The following BRINP3 variants were observed in gnomAD, a reference collection of about 807,000 sequenced individuals.
BRINP3 encodes BMP/retinoic acid-inducible neural-specific protein 3.
In BRINP3, 19 loss-of-function variants were observed where a neutral mutation model predicts 71.0. The ratio of observed to expected loss-of-function variants is 0.27; its 90% confidence interval spans 0.19 to 0.39. The LOEUF (loss-of-function observed/expected upper bound fraction) is 0.39, where lower values mean the gene tolerates loss of function less well. Ranked by LOEUF, BRINP3 falls within the 10% of genes least tolerant of loss-of-function variation. The pLI is 1.00. For synonymous variants in BRINP3, 380 were observed against 337.7 expected, an observed-to-expected ratio of 1.13 and a Z score of -1.37; for missense variants, 959 against 940.8, an observed-to-expected ratio of 1.02 and a Z score of -0.25.
intron 2 of BRINP3, among the ~76,000 whole-genome samples, chr1:190,447,445 C>T (rs186503079): frequency 6.8e-6 from 1 of 146,924 alleles, no homozygotes; most frequent in African/African-American, 2.5e-5. Flanking sequence ...TAATTCCAAT[C>T]TCTTTCCCTT....
intron 2 of BRINP3, among the ~76,000 whole-genome samples, chr1:190,325,994 G>C (rs1024828115): frequency 1.3e-5 from 2 of 151,950 alleles, no homozygotes; most frequent in Admixed American, 1.3e-4. Flanking sequence ...TTGCAAGGAA[G>C]CTCAATGAGA....
intron 2 of BRINP3, among the ~76,000 whole-genome samples, chr1:190,334,934 T>A (rs2103091369): frequency 6.6e-6 from 1 of 151,904 alleles, no homozygotes; most frequent in African/African-American, 2.4e-5. Context: ...AGGACACAAA[T>A]ATAATCTAGA....
chr1:190,358,582 A>T (rs1668903279), intron 2 of BRINP3, among the ~76,000 whole-genome samples: 1 of 152,178 alleles, frequency 6.6e-6, no homozygotes, highest in African/African-American at 2.4e-5. Context: ...AACTAGTTCA[A>T]CCATTGTGGA....
intron 4 of BRINP3, 27 bp from the exon 5 acceptor site, chr1:190,234,504 A>G (rs1201965052): frequency 3.3e-6 from 5 of 1,536,004 alleles, no homozygotes; most frequent in Non-Finnish European, 4.5e-6. Context: ...CAACTTTATT[A>G]TCTAAATCAG....
chr1:190,380,528 T>C (rs1670481599), intron 2 of BRINP3, among the ~76,000 whole-genome samples: 1 of 152,140 alleles, frequency 6.6e-6, no homozygotes, highest in Non-Finnish European at 1.5e-5. Flanking sequence ...TTTAACACTA[T>C]GGGACTCAAT....
intron 6 of BRINP3, among the ~76,000 whole-genome samples, chr1:190,167,501 T>C (rs1651659608): frequency 6.6e-6 from 1 of 152,160 alleles, no homozygotes; most frequent in Non-Finnish European, 1.5e-5. Context: ...TTGCTTAAAG[T>C]GCCCCAATTC....
rs781382380 is a variant in BRINP3 at position 190,098,353 on chromosome 1, G to A, written c.1966C>T (p.Arg656Trp). The A allele has an allele frequency of 3.1e-6, 5 of 1,614,126 alleles. No individual in the cohort carries two copies. The African/African-American group carries it at 4.0e-5, about 13-fold the overall frequency. The change falls in exon 8 of 8, where the codon CGG (arginine) becomes TGG (tryptophan). Residue 656 changes from arginine to tryptophan, a missense_variant. Coordinates refer to ENST00000367462, the MANE Select transcript of BRINP3 (RefSeq NM_199051.3). ...YEPLEFIDPS[R>W]NLGYMKINNI... ...TTGATTTTCATATAGCCCAGGTTCC[G>A]GGAAGGGTCAATAAACTCCAGAGGT...
chr1:190,328,228 T>G (rs367715550), intron 2 of BRINP3, among the ~76,000 whole-genome samples: 1 of 151,940 alleles, frequency 6.6e-6, no homozygotes, highest in South Asian at 2.1e-4. Context: ...TGAATAAAAT[T>G]GAGACCCAAA....
At chr1:190,359,013 G>C (rs878958456) in intron 2 of BRINP3, among the ~76,000 whole-genome samples, 22 of 151,982 alleles carry the variant, frequency 1.4e-4, no homozygotes, top group Admixed American at 1.1e-3. Context: ...TCCTGTTGTG[G>C]GGTGGGGGGA....
chr1:190,309,734 A>T (rs1665384767), intron 2 of BRINP3, among the ~76,000 whole-genome samples: 1 of 151,712 alleles, frequency 6.6e-6, no homozygotes, highest in Non-Finnish European at 1.5e-5. Flanking sequence ...ATTTTCCCTG[A>T]TTATTTATAT....
At chr1:190,338,903 G>A (rs1458503138) in intron 2 of BRINP3, among the ~76,000 whole-genome samples, 2 of 151,720 alleles carry the variant, frequency 1.3e-5, no homozygotes, top group South Asian at 2.1e-4. Context: ...CAGTAAAAGG[G>A]AATGTTTCTT....
rs755573215 is a variant in BRINP3, at chr1:190,098,795, T to C, written c.1524A>G (p.Ile508Met). 1 of 1,614,234 alleles carries C rather than the reference T, an allele frequency of 6.2e-7. No individual in the cohort carries two copies. The highest frequency in any genetic ancestry group is 1.1e-5 in the South Asian group (1 of 91,088). Reference protein sequence around the residue: ...KYLLQKTDRRIEVHAIFISND... With the variant: ...KYLLQKTDRRMEVHAIFISND... ...TGCTGATAAAAATGGCATGGACTTC[T>C]ATTCGTCTGTCCGTTTTCTGCAGCA... is the stretch of plus-strand genomic sequence containing the variant. The change falls in exon 8 of 8, where the codon ATA becomes ATG. Residue 508 changes from isoleucine to methionine, a missense_variant. Ile to Met is a conservative substitution (Grantham distance 10, BLOSUM62 1). Coordinates refer to ENST00000367462, the MANE Select transcript of BRINP3 (RefSeq NM_199051.3).
chr1:190,343,690 CAT>C (rs1305608534), intron 2 of BRINP3, among the ~76,000 whole-genome samples: 1 of 151,452 alleles, frequency 6.6e-6, no homozygotes, highest in Non-Finnish European at 1.5e-5. Flanking sequence ...AAATTGGTAA[CAT>C]AGACCAGGGA....
intron 2 of BRINP3, among the ~76,000 whole-genome samples, chr1:190,341,731 A>G (rs1255638620): frequency 6.6e-6 from 1 of 151,852 alleles, no homozygotes; most frequent in Non-Finnish European, 1.5e-5. Flanking sequence ...AAAAAATTAC[A>G]TGCACAAAGA....
At chr1:190,356,447 A>G (rs190742608) in intron 2 of BRINP3, among the ~76,000 whole-genome samples, 8 of 152,036 alleles carry the variant, frequency 5.3e-5, no homozygotes, top group African/African-American at 1.9e-4. Context: ...GATGAACAGC[A>G]GTACATCCCA....
chr1:190,430,612 A>C (rs1674032495), intron 2 of BRINP3, among the ~76,000 whole-genome samples: 1 of 152,188 alleles, frequency 6.6e-6, no homozygotes, highest in Non-Finnish European at 1.5e-5. Context: ...TGTATAATTA[A>C]AATATATTTT....
chr1:190,379,100 A>G (rs1670357240), intron 2 of BRINP3, among the ~76,000 whole-genome samples: 1 of 152,230 alleles, frequency 6.6e-6, no homozygotes. Flanking sequence ...CTTTAAGTAC[A>G]AAAGCTGACC....
chr1:190,365,472 T>C (rs1180421853), intron 2 of BRINP3, among the ~76,000 whole-genome samples: 1 of 150,292 alleles, frequency 6.7e-6, no homozygotes, highest in African/African-American at 2.4e-5. Context: ...ATTAAACAAA[T>C]ATTATAATAT....
In BRINP3 at chr1:190,165,021, G is replaced by C. The variant is rs1187653347; in HGVS notation, c.962-4131C>G. On this transcript the variant is annotated intron_variant, in intron 6 of 7. Coordinates refer to ENST00000367462, the MANE Select transcript of BRINP3 (RefSeq NM_199051.3). ...TCAGTAGAAATGACAATGCAATATG[G>C]ATAATAAATTTATTATGAAAGCATA... 2.6e-5 allele frequency among the ~76,000 whole-genome samples: 4 copies of C among 151,752 alleles called. 1 individual carries two copies. The highest frequency in any genetic ancestry group is 5.9e-5 in the Non-Finnish European group (4 of 67,992).
Sources: allele counts gnomAD v4.1 joint callset (sites outside exome capture counted in the v4.1 genomes callset), GRCh38; gene constraint gnomAD v4.1.1; transcripts MANE v1.5; gene names NCBI Gene and HGNC (gene_info 2026-07-23, HGNC 2026-07-21).